Variants in TRIM42 observed in about 807,000 individuals in gnomAD.
TRIM42 encodes tripartite motif-containing protein 42.
A neutral mutation model predicts 64.9 loss-of-function variants in TRIM42; 59 were observed. The ratio of observed to expected loss-of-function variants is 0.91; its 90% CI spans 0.74 to 1.13. The LOEUF is 1.13. Ranked by LOEUF, TRIM42 falls within the 50% of genes most tolerant of loss-of-function variation. The probability of loss-of-function intolerance (pLI) is 0.00; values close to 1 mark genes in which losing one functional copy is unlikely to be tolerated. For synonymous variants in TRIM42, 354 were observed against 346.3 expected, an observed-to-expected ratio of 1.02 and a Z score of -0.25; for missense variants, 878 against 929.5, an observed-to-expected ratio of 0.94 and a Z score of 0.72.
chr3:140,688,440 C>T lies in TRIM42; in HGVS notation c.1758C>T (p.Asn586=). 1 of 1,613,948 alleles carries T rather than the reference C, an allele frequency of 6.2e-7. No individual in the cohort carries two copies. The highest frequency in any genetic ancestry group is 8.5e-7 in the Non-Finnish European group (1 of 1,179,808). ...SAGADSQSVQ[N]SSSFHNWYSF... is the part of the protein sequence containing the mutation. ...GAGCAGACAGCCAGTCTGTACAGAA[C>T]AGCAGCAGCTTCCACAACTGGTACT... Residue 586 remains asparagine, a synonymous_variant, in exon 3 of 5, where the codon AAC becomes AAT. Coordinates refer to ENST00000286349, the MANE Select transcript of TRIM42 (RefSeq NM_152616.5).
At chr3:140,686,794 T>G (rs1988555465) in intron 2 of TRIM42, among the ~76,000 whole-genome samples, 1 of 152,202 alleles carries the variant, frequency 6.6e-6, no homozygotes, top group Non-Finnish European at 1.5e-5. Context: ...TTCAAATTGC[T>G]CCTTAATGCC....
In TRIM42 at chr3:140,682,978, C is replaced by A. The variant is rs749484750; in HGVS notation, c.858C>A (p.Asp286Glu). The A allele has an allele frequency of 6.2e-7, 1 of 1,614,188 alleles. No individual in the cohort carries two copies. ...TGGACACCAGCGCCGAGGAACAGGA[C>A]GAGAAGATCTGCATCCACCACCCAT... is the stretch of plus-strand genomic sequence containing the variant. ...VFVDTSAEEQ[D>E]EKICIHHPSS... The change falls in exon 2 of 5, where the codon GAC becomes GAA. Residue 286 changes from aspartate (D) to glutamate (E), a missense_variant. Transcript: ENST00000286349.
At chr3:140,681,051 T>G (rs1988381694) in intron 1 of TRIM42, among the ~76,000 whole-genome samples, 1 of 152,256 alleles carries the variant, frequency 6.6e-6, no homozygotes, top group Non-Finnish European at 1.5e-5. Flanking sequence ...GCTATTTCAT[T>G]TATTTTTATA....
chr3:140,697,253 T>C (rs1164360801), intron 4 of TRIM42, among the ~76,000 whole-genome samples: 1 of 152,234 alleles, frequency 6.6e-6, no homozygotes, highest in Non-Finnish European at 1.5e-5. Context: ...GTAATGGTTT[T>C]AGACATTGGT....
At position 140,678,540 on chromosome 3, in the gene TRIM42, A is replaced by T; in HGVS notation, c.311A>T (p.His104Leu). The T allele has an allele frequency of 1.2e-6, 2 of 1,613,894 alleles. No individual in the cohort carries two copies. The highest frequency in any genetic ancestry group is 1.7e-6 in the Non-Finnish European group (2 of 1,179,886). ...RCCRNTIITFHKGRLRSIHTS... is the reference protein window; with the variant it reads ...RCCRNTIITFLKGRLRSIHTS... ...TGCCGCAATACCATCATCACTTTCC[A>T]CAAGGGCCGCCTCAGGAGCATCCAT... is the stretch of plus-strand genomic sequence containing the variant. Residue 104 changes from histidine (H) to leucine (L), a missense_variant, in exon 1 of 5, where the codon CAC (histidine) becomes CTC (leucine). By Grantham distance (99) the His-to-Leu change is moderately conservative. Coordinates refer to ENST00000286349, the MANE Select transcript of TRIM42 (RefSeq NM_152616.5).
intron 1 of TRIM42, among the ~76,000 whole-genome samples, chr3:140,682,032 T>C (rs935521300): frequency 1.3e-5 from 2 of 152,130 alleles, no homozygotes; most frequent in African/African-American, 4.8e-5. Context: ...AGAGTGGCCT[T>C]GTCTCATATT....
At position 140,701,072 on chromosome 3, in the gene TRIM42, A is replaced by C. The variant is rs191177206; in HGVS notation, c.*98A>C. ...ATTTTTCTCACCACATTCTTCAAGG[A>C]GGTTGTAGACAAATGTTTCCATGAC... On this transcript the variant is annotated 3_prime_UTR_variant, in exon 5 of 5. Transcript: ENST00000286349. 327 of 1,074,898 alleles carry C rather than the reference A, an allele frequency of 3.0e-4. 2 individuals are homozygous for C. In the African/African-American group the frequency reaches 4.8e-3, roughly 16 times the overall value. The allele number at this position is 1,074,898 out of a possible 1,614,324, so 66.6% of individuals were successfully genotyped here. A position where few individuals can be genotyped will look rare whatever the true frequency, so the allele number is the denominator to read the frequency against.
At position 140,691,132 on chromosome 3, in the gene TRIM42, C is replaced by T. The variant is rs775417902; in HGVS notation, c.2025C>T (p.Tyr675=). ...ACAACCTGACCCCCAACACAGAATA[C>T]GTGTTTAAAGTTAGAGCCATCAATG... ...ELHNLTPNTE[Y]VFKVRAINDN... The change falls in exon 4 of 5, where the codon TAC becomes TAT. Residue 675 remains tyrosine (Y), a synonymous_variant. Coordinates refer to ENST00000286349, the MANE Select transcript of TRIM42 (RefSeq NM_152616.5). 25 of 1,613,914 alleles carry T rather than the reference C, an allele frequency of 1.5e-5. No individual in the cohort carries two copies. The South Asian group carries it at 2.1e-4, about 13-fold the overall frequency.
chr3:140,690,531 GTATATATATATA>G (rs56969249), intron 3 of TRIM42, among the ~76,000 whole-genome samples: 3,400 of 103,426 alleles, frequency 0.033, 60 homozygotes, highest in East Asian at 0.049. Flanking sequence ...AAGTTTTTAT[GTATATATATATA>G]TATATATATA....
At chr3:140,696,794 G>T (rs754118714) in intron 4 of TRIM42, among the ~76,000 whole-genome samples, 24 of 152,240 alleles carry the variant, frequency 1.6e-4, no homozygotes, top group Non-Finnish European at 2.5e-4. Flanking sequence ...GGTTAGGTTG[G>T]ATTAGGGTCC....
chr3:140,683,300 C>T, intron 2 of TRIM42, 141 bp downstream of exon 2: 3 of 873,020 alleles, frequency 3.4e-6, no homozygotes, highest in South Asian at 3.4e-5. Flanking sequence ...CACTGTGCTA[C>T]CCTGCAAGTC....
chr3:140,690,456 T>G (rs899339171), intron 3 of TRIM42, among the ~76,000 whole-genome samples: 1 of 149,680 alleles, frequency 6.7e-6, no homozygotes, highest in African/African-American at 2.5e-5. Flanking sequence ...TTTACTGAAT[T>G]TTTAATGATT....
chr3:140,678,244 G>A lies in TRIM42; in HGVS notation c.15G>A (p.Met5Ile). The A allele has an allele frequency of 6.2e-7, 1 of 1,614,026 alleles. No individual in the cohort carries two copies. Among genetic ancestry groups the A allele is most frequent in the Non-Finnish European group, 8.5e-7 (1 of 1,179,890 alleles). Reference protein sequence around the residue: METAMCVCCPCCTWQ... With the variant: METAICVCCPCCTWQ... The stretch of plus-strand genomic sequence containing the variant: ...ATGTAGGCACCATGGAAACTGCTAT[G>A]TGCGTTTGCTGTCCATGTTGTACAT... Residue 5 changes from methionine (M) to isoleucine (I), a missense_variant, in exon 1 of 5, where the codon ATG becomes ATA. By Grantham distance (10) the Met-to-Ile change is conservative. Transcript: ENST00000286349.
intron 4 of TRIM42, 65 bp from the exon 5 acceptor site, chr3:140,700,823 G>T: frequency 6.8e-7 from 1 of 1,470,876 alleles, no homozygotes; most frequent in Non-Finnish European, 9.5e-7. Context: ...CTGACATGCA[G>T]AAGGGCCCAG....
chr3:140,685,236 AT>A (rs1236995731), intron 2 of TRIM42, among the ~76,000 whole-genome samples: 2 of 152,214 alleles, frequency 1.3e-5, no homozygotes, highest in African/African-American at 4.8e-5. Flanking sequence ...GGGAATACAC[AT>A]TGAGAAACTG....
intron 4 of TRIM42, among the ~76,000 whole-genome samples, chr3:140,697,273 T>C (rs1988876101): frequency 6.6e-6 from 1 of 152,214 alleles, no homozygotes; most frequent in South Asian, 2.1e-4. Flanking sequence ...TATTATCTTC[T>C]CTTCTGACAT....
At chr3:140,700,835 C>T in intron 4 of TRIM42, 53 bp from the exon 5 acceptor site, 1 of 1,531,354 alleles carries the variant, frequency 6.5e-7, no homozygotes, top group Non-Finnish European at 9.0e-7. Flanking sequence ...AGGGCCCAGG[C>T]TACTGGGAGC....
At chr3:140,684,528 G>A (rs1988499625) in intron 2 of TRIM42, among the ~76,000 whole-genome samples, 1 of 152,172 alleles carries the variant, frequency 6.6e-6, no homozygotes, top group African/African-American at 2.4e-5. Flanking sequence ...TGCACAGAAA[G>A]GTCCCATTGG....
chr3:140,683,560 T>C (rs974181063), intron 2 of TRIM42, among the ~76,000 whole-genome samples: 1 of 152,208 alleles, frequency 6.6e-6, no homozygotes. Flanking sequence ...TTTGATCCTA[T>C]AGTATACTGA....
Sources: gnomAD v4.1 joint callset for allele counts (sites outside exome capture counted in the v4.1 genomes callset) on GRCh38, gnomAD v4.1.1 for gene constraint, MANE v1.5 for transcripts, NCBI Gene and HGNC (gene_info 2026-07-23, HGNC 2026-07-21) for gene names.